Variants in MARCHF3 observed in about 807,000 individuals in gnomAD.
MARCHF3 encodes membrane associated ring-CH-type finger 3.
In MARCHF3, 13 loss-of-function variants were observed where a neutral mutation model predicts 24.2. The ratio of observed to expected loss-of-function variants is 0.54; its 90% CI spans 0.35 to 0.85. The LOEUF is 0.85. Ranked by LOEUF, MARCHF3 falls within the 40% of genes least tolerant of loss-of-function variation. The pLI, the probability that MARCHF3 is intolerant of heterozygous loss-of-function variation, is 0.01. For missense variants in MARCHF3, 276 were observed against 325.0 expected, an observed-to-expected ratio of 0.85 and a Z score of 1.16; for synonymous variants, 144 against 137.3, an observed-to-expected ratio of 1.05 and a Z score of -0.34.
intron 1 of MARCHF3, among the ~76,000 whole-genome samples, chr5:127,009,578 G>T (rs1374652298): frequency 6.6e-6 from 1 of 152,062 alleles, no homozygotes; most frequent in African/African-American, 2.4e-5. Flanking sequence ...TATATAAAGG[G>T]ACAGAGTTAA....
In MARCHF3 at chr5:126,878,168, C is replaced by A; in HGVS notation, c.603+17G>T. Reference sequence around the variant, plus strand: ...CAGCTCCAAATGGCCTGAACCCCAGCCACGGCCCATACTTACTAGTGTCCA... The same window carrying A: ...CAGCTCCAAATGGCCTGAACCCCAGACACGGCCCATACTTACTAGTGTCCA... On this transcript the variant is annotated intron_variant, in intron 4 of 4. Coordinates refer to ENST00000308660, the MANE Select transcript of MARCHF3 (RefSeq NM_178450.5). 6.2e-7 allele frequency: 1 copy of A among 1,612,102 alleles called. No homozygotes were observed. The highest frequency in any genetic ancestry group is 8.5e-7 in the Non-Finnish European group (1 of 1,178,306).
intron 1 of MARCHF3, among the ~76,000 whole-genome samples, chr5:126,945,685 A>C (rs1032649855): frequency 6.6e-6 from 1 of 152,184 alleles, no homozygotes; most frequent in Admixed American, 6.5e-5. Flanking sequence ...AGGCATGGTA[A>C]AGGTTGTAAG....
At chr5:126,969,309 C>CTA (rs1475039070) in intron 1 of MARCHF3, among the ~76,000 whole-genome samples, 11 of 152,204 alleles carry the variant, frequency 7.2e-5, no homozygotes, top group African/African-American at 2.6e-4. Flanking sequence ...TTTTTTTGGT[C>CTA]TACTTTAGGG....
intron 1 of MARCHF3, among the ~76,000 whole-genome samples, chr5:126,946,843 A>G (rs1750042319): frequency 6.7e-6 from 1 of 150,192 alleles, no homozygotes; most frequent in Non-Finnish European, 1.5e-5. Context: ...GACCTCTAAC[A>G]CCGCTGTTTT....
At chr5:126,952,045 C>T (rs1181161461) in intron 1 of MARCHF3, among the ~76,000 whole-genome samples, 1 of 152,144 alleles carries the variant, frequency 6.6e-6, no homozygotes, top group Admixed American at 6.5e-5. Flanking sequence ...CAGGGTTTCA[C>T]CATGTTGATC....
At chr5:126,940,015 G>C (rs1292157256) in intron 1 of MARCHF3, among the ~76,000 whole-genome samples, 1 of 152,160 alleles carries the variant, frequency 6.6e-6, no homozygotes, top group African/African-American at 2.4e-5. Context: ...GGTCTAAACA[G>C]TGAGATCACC....
At chr5:126,941,467 CA>C (rs1749827689) in intron 1 of MARCHF3, among the ~76,000 whole-genome samples, 1 of 144,806 alleles carries the variant, frequency 6.9e-6, no homozygotes, top group Non-Finnish European at 1.5e-5. Flanking sequence ...AAAAAAAAAA[CA>C]GGTGGAAAAA....
intron 3 of MARCHF3, among the ~76,000 whole-genome samples, chr5:126,900,886 G>T (rs1754080606): frequency 6.6e-6 from 1 of 151,852 alleles, no homozygotes; most frequent in Non-Finnish European, 1.5e-5. Flanking sequence ...GTTTTCAGTA[G>T]AGACAGGGTT....
At chr5:127,013,768 T>C (rs1388483804) in intron 1 of MARCHF3, among the ~76,000 whole-genome samples, 1 of 152,124 alleles carries the variant, frequency 6.6e-6, no homozygotes, top group African/African-American at 2.4e-5. Context: ...GCCAACTGAT[T>C]TTTGACAAAG....
intron 3 of MARCHF3, among the ~76,000 whole-genome samples, chr5:126,908,492 C>T (rs1754385168): frequency 6.6e-6 from 1 of 152,090 alleles, no homozygotes. Flanking sequence ...TCACATAGTC[C>T]CATATTTCTT....
chr5:127,016,953 T>C (rs1397613733), intron 1 of MARCHF3, among the ~76,000 whole-genome samples: 2 of 152,344 alleles, frequency 1.3e-5, no homozygotes, highest in South Asian at 4.1e-4. Flanking sequence ...GATGAGTTCA[T>C]GTCCTTTGCA....
chr5:126,982,908 G>A, intron 1 of MARCHF3, among the ~76,000 whole-genome samples: 1 of 152,188 alleles, frequency 6.6e-6, no homozygotes, highest in Non-Finnish European at 1.5e-5. Context: ...AGGTTAGGGT[G>A]ACTCCTTTGA....
chr5:126,974,770 T>C (rs901807333), intron 1 of MARCHF3, among the ~76,000 whole-genome samples: 3 of 152,232 alleles, frequency 2.0e-5, no homozygotes, highest in African/African-American at 7.2e-5. Context: ...ACCTAAACTC[T>C]GCTTCTTATT....
At chr5:126,877,490 G>T (rs1400760139) in intron 4 of MARCHF3, among the ~76,000 whole-genome samples, 1 of 152,098 alleles carries the variant, frequency 6.6e-6, no homozygotes, top group Non-Finnish European at 1.5e-5. Context: ...GCTGTCAACT[G>T]GTACTCAAGC....
At chr5:126,957,564 T>G (rs543462785) in intron 1 of MARCHF3, among the ~76,000 whole-genome samples, 1 of 152,302 alleles carries the variant, frequency 6.6e-6, no homozygotes, top group South Asian at 2.1e-4. Context: ...GTTTCTCAAT[T>G]GGATCAATCT....
chr5:126,995,014 C>A (rs1404790328), intron 1 of MARCHF3, among the ~76,000 whole-genome samples: 3 of 152,234 alleles, frequency 2.0e-5, no homozygotes, highest in African/African-American at 7.2e-5. Flanking sequence ...CTTCTGCCTG[C>A]TTTATTCTTG....
intron 3 of MARCHF3, among the ~76,000 whole-genome samples, chr5:126,900,953 G>A (rs141397466): frequency 1.3e-5 from 2 of 151,936 alleles, no homozygotes; most frequent in Non-Finnish European, 2.9e-5. Flanking sequence ...TGATCCACCC[G>A]CCTCAGGCTT....
At chr5:127,023,733 A>AAAT (rs1752895041) in intron 1 of MARCHF3, among the ~76,000 whole-genome samples, 1 of 141,374 alleles carries the variant, frequency 7.1e-6, no homozygotes, top group African/African-American at 2.6e-5. Flanking sequence ...TCTGTCTCAA[A>AAAT]AAATAAATAA....
At chr5:126,918,272 A>G in intron 1 of MARCHF3, 45 bp from the exon 2 acceptor site, 2 of 1,229,736 alleles carry the variant, frequency 1.6e-6, no homozygotes, top group Non-Finnish European at 2.2e-6. Flanking sequence ...GGTGGCTAAT[A>G]GAAAATGGAG....
Sources: gnomAD v4.1 joint callset for allele counts (sites outside exome capture counted in the v4.1 genomes callset) on GRCh38, gnomAD v4.1.1 for gene constraint, MANE v1.5 for transcripts, NCBI Gene and HGNC (gene_info 2026-07-23, HGNC 2026-07-21) for gene names.